Variants in CALB1 observed in about 807,000 individuals in gnomAD.
CALB1 encodes calbindin.
CALB1 carries 16 observed loss-of-function variants against 46.7 expected under a neutral mutation model. That is an observed-to-expected ratio of 0.34 (90% CI 0.23 to 0.52). The LOEUF is 0.52. CALB1 is among the 20% of genes least tolerant of loss of function. The pLI is 0.95. For synonymous variants in CALB1, 90 were observed against 112.8 expected, an observed-to-expected ratio of 0.80 and a Z score of 1.28; for missense variants, 224 against 300.3, an observed-to-expected ratio of 0.75 and a Z score of 1.88.
chr8:90,068,103 T>C (rs1016988262), intron 5 of CALB1, among the ~76,000 whole-genome samples: 1 of 152,186 alleles, frequency 6.6e-6, no homozygotes, highest in Admixed American at 6.6e-5. Context: ...TACTTCCATA[T>C]TCCTGAAAGG....
Position 90,066,815 on chromosome 8 carries a change from G to A in CALB1, c.373-840C>T, listed in dbSNP as rs976895351. Among the ~76,000 whole-genome samples, 8 of 152,004 alleles carry A rather than the reference G, an allele frequency of 5.3e-5. No homozygotes were observed. The South Asian group carries it at 8.3e-4, about 16-fold the overall frequency. On this transcript the variant is annotated intron_variant, in intron 5 of 10. Transcript: ENST00000265431. ...TCATTTTGTTTAGTGCTATTCATTCGTAACTCCTTTATTTTCTCAGAAAAT... is the reference window on the plus strand; with the variant it reads ...TCATTTTGTTTAGTGCTATTCATTCATAACTCCTTTATTTTCTCAGAAAAT...
chr8:90,077,992 T>C (rs1339487480), intron 3 of CALB1, among the ~76,000 whole-genome samples: 1 of 152,112 alleles, frequency 6.6e-6, no homozygotes, highest in East Asian at 1.9e-4. Context: ...GAAATACTGA[T>C]GGACCATGTG....
rs947557686 is a variant in CALB1 at position 90,059,098 on chromosome 8, T to A, written c.*1075A>T. On this transcript the variant is annotated 3_prime_UTR_variant, in exon 11 of 11. Coordinates refer to ENST00000265431, the MANE Select transcript of CALB1 (RefSeq NM_004929.4). ...CATTTCTTTTCAGATGTTATTTTTT[T>A]AAACTCATTTGAAACTATTTGCAGA... The A allele has an allele frequency of 7.9e-5, 12 of 152,474 alleles. No homozygotes were observed. The East Asian group carries it at 1.7e-3, about 22-fold the overall frequency. 9.4% of individuals were successfully genotyped at this position (152,474 alleles called of 1,614,324 possible). A position where few individuals can be genotyped will look rare whatever the true frequency, so the allele number is the denominator to read the frequency against.
intron 3 of CALB1, among the ~76,000 whole-genome samples, chr8:90,070,297 T>A (rs1310412554): frequency 6.6e-6 from 1 of 152,176 alleles, no homozygotes; most frequent in Non-Finnish European, 1.5e-5. Context: ...TTTCCAGGAT[T>A]TGATGAATTC....
chr8:90,062,929 T>A, intron 9 of CALB1, 171 bp downstream of exon 9: 1 of 523,648 alleles, frequency 1.9e-6, no homozygotes, highest in South Asian at 2.6e-5. Flanking sequence ...GAGTTACTCA[T>A]CAATGGGCAT....
At chr8:90,067,502 T>G (rs1814423408) in intron 5 of CALB1, among the ~76,000 whole-genome samples, 1 of 152,144 alleles carries the variant, frequency 6.6e-6, no homozygotes, top group Non-Finnish European at 1.5e-5. Flanking sequence ...ACTGTCACCT[T>G]GTGGATTGCT....
chr8:90,079,493 A>G (rs904836294), intron 2 of CALB1, among the ~76,000 whole-genome samples: 4 of 151,998 alleles, frequency 2.6e-5, no homozygotes, highest in Admixed American at 6.6e-5. Context: ...AAAGTGTTCA[A>G]CCATGGCAAT....
chr8:90,061,744 G>T (rs575291874), intron 9 of CALB1: 3 of 152,156 alleles, frequency 2.0e-5, no homozygotes, highest in South Asian at 4.1e-4. Context: ...CTGTGTTTAT[G>T]AATTGGAAGG....
intron 5 of CALB1, among the ~76,000 whole-genome samples, chr8:90,068,002 TA>T (rs1814431730): frequency 6.6e-6 from 1 of 152,200 alleles, no homozygotes; most frequent in African/African-American, 2.4e-5. Context: ...TTAACTCACT[TA>T]TATTTTAGTC....
intron 2 of CALB1, among the ~76,000 whole-genome samples, chr8:90,079,382 C>A (rs888313081): frequency 1.3e-5 from 2 of 151,792 alleles, no homozygotes; most frequent in African/African-American, 2.4e-5. Flanking sequence ...TAAATAATAA[C>A]AAAGCAATAT....
In CALB1 at chr8:90,063,167, A is replaced by G. The variant is rs1246169509; in HGVS notation, c.547-14T>C. On this transcript the variant is annotated splice_polypyrimidine_tract_variant and intron_variant, in intron 8 of 10. Transcript: ENST00000265431. ...CATTTTGATTCCCTAAAGATAGAGA[A>G]GAGAGTAAATGTTAAAATGTTATTA... 5.0e-6 allele frequency: 8 copies of G among 1,594,356 alleles called. No homozygotes were observed. The East Asian group carries it at 1.6e-4, about 31-fold the overall frequency.
chr8:90,063,343 T>C (rs781566338), intron 7 of CALB1, 23 bp from the exon 8 acceptor site: 6 of 1,579,878 alleles, frequency 3.8e-6, no homozygotes, highest in African/African-American at 1.4e-5. Context: ...AAACATTATA[T>C]TAATATATTA....
intron 5 of CALB1, among the ~76,000 whole-genome samples, chr8:90,066,957 G>A (rs1410735925): frequency 6.6e-6 from 1 of 151,990 alleles, no homozygotes; most frequent in Non-Finnish European, 1.5e-5. Flanking sequence ...GTTCTGGGCT[G>A]ATTTGATGCC....
At chr8:90,067,038 A>C (rs1416718728) in intron 5 of CALB1, among the ~76,000 whole-genome samples, 1 of 152,096 alleles carries the variant, frequency 6.6e-6, no homozygotes, top group African/African-American at 2.4e-5. Context: ...TCCACTTCAA[A>C]TCCAAAGTGA....
intron 6 of CALB1, 47 bp downstream of exon 6, chr8:90,065,851 A>T: frequency 1.6e-6 from 2 of 1,222,208 alleles, no homozygotes; most frequent in African/African-American, 1.5e-5. Flanking sequence ...AGAACATCAT[A>T]CTACTTCATG....
chr8:90,080,759 G>GC (rs924937836), intron 2 of CALB1, among the ~76,000 whole-genome samples: 1 of 151,850 alleles, frequency 6.6e-6, no homozygotes, highest in Non-Finnish European at 1.5e-5. Context: ...GTTCTATAGT[G>GC]CATTATAATA....
intron 2 of CALB1, among the ~76,000 whole-genome samples, chr8:90,081,003 G>A (rs1159075017): frequency 6.6e-6 from 1 of 151,998 alleles, no homozygotes; most frequent in African/African-American, 2.4e-5. Flanking sequence ...ATTCAACACT[G>A]CCTTCTGAAA....
At chr8:90,074,936 T>C (rs1814593747) in intron 3 of CALB1, among the ~76,000 whole-genome samples, 1 of 152,170 alleles carries the variant, frequency 6.6e-6, no homozygotes, top group Non-Finnish European at 1.5e-5. Flanking sequence ...TCATTAAGTC[T>C]TCCTTTTTAA....
chr8:90,081,971 T>G (rs2130256436), intron 2 of CALB1, 55 bp downstream of exon 2: 1 of 1,458,118 alleles, frequency 6.9e-7, no homozygotes, highest in South Asian at 1.2e-5. Context: ...AACACAAGAA[T>G]GTTTTAATTT....
Sources: allele counts gnomAD v4.1 joint callset (sites outside exome capture counted in the v4.1 genomes callset), GRCh38; gene constraint gnomAD v4.1.1; transcripts MANE v1.5; gene names NCBI Gene and HGNC (gene_info 2026-07-23, HGNC 2026-07-21).